The following CREB5 variants were observed in gnomAD, a reference collection of about 807,000 sequenced individuals.
CREB5 encodes cAMP responsive element binding protein 5, also known as cyclic AMP-responsive element-binding protein 5.
In CREB5, 19 loss-of-function variants were observed where a neutral mutation model predicts 57.1. That is an observed-to-expected ratio of 0.33 (90% CI 0.23 to 0.49). The LOEUF (loss-of-function observed/expected upper bound fraction) is 0.49, where lower values mean the gene tolerates loss of function less well. CREB5 is among the 20% of genes least tolerant of loss of function. The probability of loss-of-function intolerance (pLI) is 0.99; values close to 1 mark genes in which losing one functional copy is unlikely to be tolerated. For synonymous variants in CREB5, 238 were observed against 238.3 expected (o/e 1.00, Z 0.01); for missense variants, 579 against 671.6 (o/e 0.86, Z 1.52).
intron 1 of CREB5, among the ~76,000 whole-genome samples, chr7:28,464,329 T>C (rs1180842379): frequency 1.3e-5 from 2 of 152,220 alleles, no homozygotes; most frequent in Non-Finnish European, 2.9e-5. Context: ...TCTTGTTGAT[T>C]GCCTTGATAT....
At chr7:28,409,743 C>T (rs989298125), upstream of CREB5, 4 of 362,624 alleles carry the variant, frequency 1.1e-5, no homozygotes, top group Middle Eastern at 1.7e-3. The surrounding 1 kb of genome is among the most constrained non-coding windows in gnomAD (Gnocchi z 4.4). Context: ...CGCGTGAGTG[C>T]CGGAGCGCTC....
chr7:28,407,450 C>T (rs980295412), intron 1 of CREB5, among the ~76,000 whole-genome samples: 2 of 152,124 alleles, frequency 1.3e-5, no homozygotes, highest in Non-Finnish European at 2.9e-5. Flanking sequence ...GAGAACCAGG[C>T]GTCAAGTAGC....
chr7:28,506,860 A>G (rs1255086164), intron 3 of CREB5, among the ~76,000 whole-genome samples: 1 of 152,238 alleles, frequency 6.6e-6, no homozygotes, highest in Non-Finnish European at 1.5e-5. Flanking sequence ...CTGCATATAT[A>G]TTAAGCTACA....
At chr7:28,478,657 C>A (rs1197739983) in intron 1 of CREB5, among the ~76,000 whole-genome samples, 1 of 152,180 alleles carries the variant, frequency 6.6e-6, no homozygotes, top group Non-Finnish European at 1.5e-5. Flanking sequence ...AGGCAATTAT[C>A]ACAAGTGGTA....
chr7:28,316,281 A>AT (rs777867519), intron 1 of CREB5, among the ~76,000 whole-genome samples: 45 of 152,260 alleles, frequency 3.0e-4, no homozygotes, highest in Non-Finnish European at 5.9e-4. Flanking sequence ...ATTTTCAGAC[A>AT]TCTGCCTGGA....
At chr7:28,588,837 G>C (rs1796392386) in intron 5 of CREB5, among the ~76,000 whole-genome samples, 1 of 152,112 alleles carries the variant, frequency 6.6e-6, no homozygotes. Flanking sequence ...GAATTTTTTT[G>C]AGATTGTGAA....
At chr7:28,780,473 G>A (rs1284447728) in intron 7 of CREB5, among the ~76,000 whole-genome samples, 2 of 152,140 alleles carry the variant, frequency 1.3e-5, no homozygotes, top group African/African-American at 4.8e-5. Flanking sequence ...TGTAATCCCA[G>A]CACTTCGGGA....
At chr7:28,798,500 C>T (rs1463224181) in intron 7 of CREB5, among the ~76,000 whole-genome samples, 4 of 152,128 alleles carry the variant, frequency 2.6e-5, no homozygotes, top group Non-Finnish European at 2.9e-5. Context: ...TTGAGCTAAA[C>T]GGGAAATTAA....
At chr7:28,435,109 C>T (rs56410039) in intron 1 of CREB5, among the ~76,000 whole-genome samples, 48,804 of 129,354 alleles carry the variant, frequency 0.38, 8,508 homozygotes, top group South Asian at 0.43. Flanking sequence ...TTTTTTTTTT[C>T]CTCCCTCACT....
intron 1 of CREB5, among the ~76,000 whole-genome samples, chr7:28,371,482 A>C (rs1786704003): frequency 8.8e-6 from 1 of 113,536 alleles, no homozygotes; most frequent in Non-Finnish European, 1.8e-5. Flanking sequence ...GAGTGAGACT[A>C]CTCCATCTCA....
Position 28,819,232 on chromosome 7 carries a change from C to G in CREB5, c.1480C>G (p.Leu494Val). 3 of 1,613,850 alleles carry G rather than the reference C, an allele frequency of 1.9e-6. No individual in the cohort carries two copies. The highest frequency in any genetic ancestry group is 2.2e-5 in the South Asian group (2 of 91,060). ...CAGCGAGGTGGTAGGAAGCTCCACC[C>G]TCAGCCAGCTCACCACTCACAGAAC... ...SVSEVVGSST[L>V]SQLTTHRTDL... The change falls in exon 11 of 11, where the codon CTC becomes GTC. Residue 494 changes from leucine (L) to valine (V), a missense_variant. Leu to Val is a conservative substitution (Grantham distance 32, BLOSUM62 1). This residue lies in a region of CREB5 where 114 missense variants were observed against 130.8 expected (regional missense o/e 0.87). Transcript: ENST00000357727.
At chr7:28,747,499 G>C (rs1687011013) in intron 7 of CREB5, among the ~76,000 whole-genome samples, 1 of 152,224 alleles carries the variant, frequency 6.6e-6, no homozygotes, top group Non-Finnish European at 1.5e-5. Flanking sequence ...AAGTGAGGAA[G>C]GAAGCTGTGT....
chr7:28,421,017 G>C (rs1373482289), intron 1 of CREB5, among the ~76,000 whole-genome samples: 1 of 151,860 alleles, frequency 6.6e-6, no homozygotes, highest in Non-Finnish European at 1.5e-5. Context: ...AATAGCTTTA[G>C]GGGTACAAGT....
chr7:28,349,846 T>C (rs10229500), intron 1 of CREB5, among the ~76,000 whole-genome samples: 115,068 of 152,172 alleles, frequency 0.76, 43,774 homozygotes, highest in East Asian at 0.88. Flanking sequence ...CATGACACAC[T>C]GTGCTGGACA....
intron 4 of CREB5, among the ~76,000 whole-genome samples, chr7:28,538,945 C>A (rs186815334): frequency 5.3e-5 from 8 of 152,270 alleles, no homozygotes; most frequent in African/African-American, 1.9e-4. Flanking sequence ...CCATTGTGAT[C>A]AGGAGAATGT....
rs79026803 is a variant in CREB5 at position 28,468,445 on chromosome 7, C to G, written c.4-19730C>G. On this transcript the variant is annotated intron_variant, in intron 1 of 10. Coordinates refer to ENST00000357727, the MANE Select transcript of CREB5 (RefSeq NM_182898.4). ...CGAGGGCAAGCTTCGATGATTGGAT[C>G]TGGGACCAGAGACATGGAACGTGGC... Among the ~76,000 whole-genome samples, 621 of 152,344 alleles carry G rather than the reference C, an allele frequency of 4.1e-3. 7 individuals carry two copies. The highest frequency in any genetic ancestry group is 0.014 in the African/African-American group (592 of 41,586).
intron 5 of CREB5, among the ~76,000 whole-genome samples, chr7:28,610,932 G>A (rs977183): frequency 0.57 from 86,430 of 150,950 alleles, 25,555 homozygotes; most frequent in Non-Finnish European, 0.66. Flanking sequence ...AGTCGTTTAT[G>A]TATGGCTGTC....
At chr7:28,425,974 C>A (rs9639584) in intron 1 of CREB5, among the ~76,000 whole-genome samples, 7,077 of 152,252 alleles carry the variant, frequency 0.046, 468 homozygotes, top group East Asian at 0.23. Flanking sequence ...GTCCTCTGGG[C>A]CCCCAGATTG....
At chr7:28,673,089 G>A (rs1396272672) in intron 5 of CREB5, among the ~76,000 whole-genome samples, 1 of 152,136 alleles carries the variant, frequency 6.6e-6, no homozygotes, top group Non-Finnish European at 1.5e-5. Flanking sequence ...TGCCACTACT[G>A]TTGAGCAAAA....
Sources: gnomAD v4.1 joint callset for allele counts (sites outside exome capture counted in the v4.1 genomes callset) on GRCh38, gnomAD v4.1.1 for gene constraint, gnomAD v4.1.1 regional missense constraint, Gnocchi (gnomAD v3.1) non-coding constraint, MANE v1.5 for transcripts, NCBI Gene and HGNC (gene_info 2026-07-23, HGNC 2026-07-21) for gene names.